The following BABAM2 variants were observed in gnomAD, a reference collection of about 807,000 sequenced individuals.
BABAM2 encodes the protein BRISC and BRCA1 A complex member 2.
In BABAM2, 31 loss-of-function variants were observed where a neutral mutation model predicts 54.7. The observed-to-expected ratio is 0.57, with a 90% confidence interval of 0.43 to 0.77. The LOEUF (loss-of-function observed/expected upper bound fraction) is 0.77, where lower values mean the gene tolerates loss of function less well. BABAM2 is among the 30% of genes least tolerant of loss of function. The probability of loss-of-function intolerance (pLI) is 0.00; values close to 1 mark genes in which losing one functional copy is unlikely to be tolerated. For synonymous variants in BABAM2, 167 were observed against 162.9 expected, an observed-to-expected ratio of 1.03 and a Z score of -0.19; for missense variants, 364 against 455.8, an observed-to-expected ratio of 0.80 and a Z score of 1.83.
intron 3 of BABAM2, among the ~76,000 whole-genome samples, chr2:27,974,222 T>C (rs1671425979): frequency 6.6e-6 from 1 of 151,950 alleles, no homozygotes; most frequent in Admixed American, 6.6e-5. Context: ...GATATCAAAA[T>C]CAGTCAAAGA....
Position 27,894,694 on chromosome 2 carries a change from A to G in BABAM2, c.128+10A>G, listed in dbSNP as rs1665147373. On this transcript the variant is annotated intron_variant, in intron 2 of 11. Coordinates refer to ENST00000379624, the MANE Select transcript of BABAM2 (RefSeq NM_199191.3). ...CTGACTTAAAATCTGGGTATGTACCAGAATGAATTCAGTCAATGTACCAGA... is the reference window on the plus strand; with the variant it reads ...CTGACTTAAAATCTGGGTATGTACCGGAATGAATTCAGTCAATGTACCAGA... The G allele has an allele frequency of 1.9e-6, 3 of 1,613,972 alleles. No individual in the cohort carries two copies. The highest frequency in any genetic ancestry group is 2.2e-5 in the East Asian group (1 of 44,892).
chr2:28,082,096 G>A (rs944142134), intron 6 of BABAM2, among the ~76,000 whole-genome samples: 6 of 143,342 alleles, frequency 4.2e-5, no homozygotes, highest in Admixed American at 2.0e-4. Context: ...TGTGACAGTG[G>A]CATATTGCTA....
chr2:28,260,053 A>G (rs947428549), intron 10 of BABAM2, among the ~76,000 whole-genome samples: 2 of 151,950 alleles, frequency 1.3e-5, no homozygotes, highest in Middle Eastern at 3.2e-3. Context: ...GGCACATGCC[A>G]CCATGCCTGG....
chr2:28,212,552 T>A (rs906781335), intron 7 of BABAM2, among the ~76,000 whole-genome samples: 2 of 152,226 alleles, frequency 1.3e-5, no homozygotes, highest in Admixed American at 1.3e-4. Context: ...TATGAGCGTG[T>A]ATTCTAAAAA....
rs374241188 is a variant in BABAM2 at position 27,979,446 on chromosome 2, T to C, written c.206-8547T>C. Among the ~76,000 whole-genome samples, 6 of 152,164 alleles carry C rather than the reference T, an allele frequency of 3.9e-5. No homozygotes were observed. The East Asian group carries it at 9.6e-4, about 24-fold the overall frequency. ...CATATGAGTATATGTGTTTTTTTCA[T>C]AGAATGATTTATATTCTTTTGGGTA... On this transcript the variant is annotated intron_variant, in intron 3 of 11. Transcript: ENST00000379624.
At chr2:27,979,086 G>A (rs185357825) in intron 3 of BABAM2, among the ~76,000 whole-genome samples, 99 of 149,096 alleles carry the variant, frequency 6.6e-4, no homozygotes, top group Middle Eastern at 3.4e-3. Flanking sequence ...GGAGTGCAGC[G>A]GCACAATCTC....
intron 7 of BABAM2, among the ~76,000 whole-genome samples, chr2:28,138,330 T>C (rs956970896): frequency 2.6e-5 from 4 of 152,094 alleles, no homozygotes; most frequent in African/African-American, 9.7e-5. Context: ...GTAAGGAAAC[T>C]GTACAACACC....
At position 28,177,100 on chromosome 2, in the gene BABAM2, G is replaced by A. The variant is rs573587764; in HGVS notation, c.680+47720G>A. Among the ~76,000 whole-genome samples, 6 of 152,024 alleles carry A rather than the reference G, an allele frequency of 3.9e-5. No individual in the cohort carries two copies. The South Asian group carries it at 6.2e-4, about 16-fold the overall frequency. ...AAAATCCAAAAAGGTTCTTCCCTGC[G>A]GCACGTGATAGTCAAACTATCAAAA... is the stretch of plus-strand genomic sequence containing the variant. On this transcript the variant is annotated intron_variant, in intron 7 of 11. Transcript: ENST00000379624.
chr2:28,121,337 C>T (rs1669048796), intron 6 of BABAM2, among the ~76,000 whole-genome samples: 1 of 152,168 alleles, frequency 6.6e-6, no homozygotes, highest in Admixed American at 6.5e-5. Flanking sequence ...AGGAAATAAC[C>T]TAATTACTGA....
chr2:27,893,492 G>A (rs957205475), intron 1 of BABAM2, among the ~76,000 whole-genome samples: 7 of 152,126 alleles, frequency 4.6e-5, no homozygotes, highest in African/African-American at 1.7e-4. Flanking sequence ...ATTCTGGGGA[G>A]GGGGCACATT....
intron 4 of BABAM2, among the ~76,000 whole-genome samples, chr2:28,004,186 C>T (rs190555391): frequency 1.9e-4 from 28 of 149,684 alleles, no homozygotes; most frequent in African/African-American, 6.6e-4. Context: ...AAATTATCTA[C>T]ATCCTGCTGA....
At position 28,021,153 on chromosome 2, in the gene BABAM2, G is replaced by GGTGA. The variant is rs1372992669; in HGVS notation, c.301-4071_301-4068dup. ...CTTTCTTCTCTTGTGGGAAATGCTG[G>GGTGA]GTGAGGGACAGGCCAAATCAGAGGG... On this transcript the variant is annotated intron_variant, in intron 4 of 11. Transcript: ENST00000379624. Among the ~76,000 whole-genome samples, 10 of 152,258 alleles carry GGTGA rather than the reference G, an allele frequency of 6.6e-5. No individual in the cohort carries two copies. In the South Asian group the frequency reaches 2.1e-3, roughly 32 times the overall value.
At chr2:28,310,058 G>T (rs2148277726) in intron 11 of BABAM2, 1 of 1,612,060 alleles carries the variant, frequency 6.2e-7, no homozygotes, top group Middle Eastern at 1.7e-4. Context: ...ATCTTAAAGG[G>T]ATTTGGTTTG....
intron 3 of BABAM2, 40 bp from the exon 4 acceptor site, chr2:27,987,953 A>T: frequency 3.3e-5 from 50 of 1,517,894 alleles, no homozygotes; most frequent in Non-Finnish European, 4.4e-5. Flanking sequence ...TCATACTTAG[A>T]AAGGAAATAA....
rs564859951 is a variant in BABAM2 at position 27,979,580 on chromosome 2, A to G, written c.206-8413A>G. On this transcript the variant is annotated intron_variant, in intron 3 of 11. Coordinates refer to ENST00000379624, the MANE Select transcript of BABAM2 (RefSeq NM_199191.3). ...GCTGAACTAGTTTATGTTCCCACCA[A>G]CAGTGTGTAAGCATTTCCTTTTCTG... Among the ~76,000 whole-genome samples the G allele has an allele frequency of 2.1e-3, 318 of 152,212 alleles. 1 individual carries two copies. Among genetic ancestry groups the G allele is most frequent in the African/African-American group, 7.2e-3 (301 of 41,530 alleles).
At chr2:28,262,833 C>G (rs1026732339) in intron 10 of BABAM2, among the ~76,000 whole-genome samples, 4 of 152,114 alleles carry the variant, frequency 2.6e-5, no homozygotes, top group Admixed American at 1.3e-4. Flanking sequence ...TGATGCTGAA[C>G]TCTTTGGCCT....
chr2:28,125,250 AT>A lies in BABAM2; in HGVS notation c.571-4019del, dbSNP rs2148758723. Among the ~76,000 whole-genome samples, 2 of 152,222 alleles carry A rather than the reference AT, an allele frequency of 1.3e-5. 1 individual carries two copies. Among genetic ancestry groups the A allele is most frequent in the South Asian group, 4.1e-4 (2 of 4,824 alleles). Reference sequence around the variant, plus strand: ...TACAAACTCACAGGTCCAAATGTGAATTGTTGCAAATATTTTTTTATTTTGT... The same window carrying A: ...TACAAACTCACAGGTCCAAATGTGAATGTTGCAAATATTTTTTTATTTTGT... On this transcript the variant is annotated intron_variant, in intron 6 of 11. Transcript: ENST00000379624.
At chr2:27,992,569 T>C (rs1195250831) in intron 4 of BABAM2, among the ~76,000 whole-genome samples, 1 of 152,204 alleles carries the variant, frequency 6.6e-6, no homozygotes, top group African/African-American at 2.4e-5. Context: ...GTTTTTCACG[T>C]ACAATATGTG....
chr2:27,973,068 G>A lies in BABAM2; in HGVS notation c.206-14925G>A, dbSNP rs1235488965. On this transcript the variant is annotated intron_variant, in intron 3 of 11. Coordinates refer to ENST00000379624, the MANE Select transcript of BABAM2 (RefSeq NM_199191.3). ...CAGTCATGAGCCACCGTGCCTGGTCGTAATTATTAGCTTTAATTACCAGTT... is the reference window on the plus strand; with the variant it reads ...CAGTCATGAGCCACCGTGCCTGGTCATAATTATTAGCTTTAATTACCAGTT... Among the ~76,000 whole-genome samples, 5 of 151,650 alleles carry A rather than the reference G, an allele frequency of 3.3e-5. No individual in the cohort carries two copies. In the East Asian group the frequency reaches 7.7e-4, roughly 23 times the overall value.
Sources: allele counts gnomAD v4.1 joint callset (sites outside exome capture counted in the v4.1 genomes callset), GRCh38; gene constraint gnomAD v4.1.1; transcripts MANE v1.5; gene names NCBI Gene and HGNC (gene_info 2026-07-23, HGNC 2026-07-21).